PPM1A: variants seen among roughly 807,000 people sequenced by gnomAD.
The protein encoded by PPM1A is protein phosphatase 1A.
PPM1A carries 7 observed loss-of-function variants against 35.0 expected under a neutral mutation model. The observed-to-expected ratio is 0.20, with a 90% CI of 0.11 to 0.38. PPM1A has a LOEUF of 0.38. PPM1A is among the 10% of genes least tolerant of loss of function. PPM1A has a pLI of 1.00. For synonymous variants in PPM1A, 153 were observed against 167.3 expected, an observed-to-expected ratio of 0.91 and a Z score of 0.66; for missense variants, 239 against 467.8, an observed-to-expected ratio of 0.51 and a Z score of 4.51.
At chr14:60,274,836 C>G (rs1200919663) in intron 1 of PPM1A, among the ~76,000 whole-genome samples, 1 of 151,048 alleles carries the variant, frequency 6.6e-6, no homozygotes, top group African/African-American at 2.4e-5. Context: ...CATTCAATGT[C>G]ATTTCATATC....
chr14:60,260,437 C>G (rs1238422853), intron 1 of PPM1A, among the ~76,000 whole-genome samples: 1 of 152,018 alleles, frequency 6.6e-6, no homozygotes, highest in East Asian at 1.9e-4. Context: ...ATTTTTTATA[C>G]TGCTATGTAT....
At chr14:60,250,005 C>T (rs1001455737) in intron 1 of PPM1A, among the ~76,000 whole-genome samples, 11 of 151,422 alleles carry the variant, frequency 7.3e-5, no homozygotes, top group Non-Finnish European at 1.2e-4. Context: ...GCAGGCCGGC[C>T]TGGCCGGAGA....
chr14:60,287,855 C>G, intron 3 of PPM1A: 1 of 984,820 alleles, frequency 1.0e-6, no homozygotes, highest in Non-Finnish European at 1.2e-6. Context: ...ACTACCTTAG[C>G]TTTAAAGTTG....
chr14:60,292,729 A>T lies in PPM1A; in HGVS notation c.*247A>T. 1 of 373,660 alleles carries T rather than the reference A, an allele frequency of 2.7e-6. No individual in the cohort carries two copies. The highest frequency in any genetic ancestry group is 4.8e-6 in the Non-Finnish European group (1 of 209,102). 23.1% of individuals were successfully genotyped at this position (373,660 alleles called of 1,614,324 possible). A position where few individuals can be genotyped will look rare whatever the true frequency, so the allele number is the denominator to read the frequency against. ...TAATTCGTGTTGTAAATCAGACTCC[A>T]GCAATTTTTGTTGTATGATTTTGTT... On this transcript the variant is annotated 3_prime_UTR_variant, in exon 6 of 6. Transcript: ENST00000395076. The surrounding 1 kb of genome is among the most constrained non-coding windows in gnomAD (Gnocchi z 4.2).
intron 1 of PPM1A, among the ~76,000 whole-genome samples, chr14:60,272,221 T>A (rs969123763): frequency 7.2e-5 from 11 of 152,176 alleles, no homozygotes; most frequent in Non-Finnish European, 2.9e-5. Flanking sequence ...TTTTAAATCA[T>A]GTTATTAGAG....
At chr14:60,271,799 G>T in intron 1 of PPM1A, among the ~76,000 whole-genome samples, 1 of 151,362 alleles carries the variant, frequency 6.6e-6, no homozygotes, top group African/African-American at 2.4e-5. Flanking sequence ...TTTTTAATGG[G>T]AATTCCATCC....
intron 1 of PPM1A, among the ~76,000 whole-genome samples, chr14:60,266,220 T>C (rs1043855516): frequency 1.3e-5 from 2 of 152,206 alleles, no homozygotes; most frequent in African/African-American, 4.8e-5. Context: ...TGCCCATTTC[T>C]TTTCCTTTAA....
intron 1 of PPM1A, among the ~76,000 whole-genome samples, chr14:60,256,492 A>G (rs750488415): frequency 6.6e-6 from 1 of 152,156 alleles, no homozygotes; most frequent in Non-Finnish European, 1.5e-5. Context: ...TTAAATGGAT[A>G]ATTTCATATA....
intron 1 of PPM1A, among the ~76,000 whole-genome samples, chr14:60,254,443 CAGTA>C (rs1479259243): frequency 1.3e-5 from 2 of 152,002 alleles, no homozygotes; most frequent in Non-Finnish European, 2.9e-5. Flanking sequence ...AATGATCAGT[CAGTA>C]AGGAAGGACA....
chr14:60,279,055 T>C (rs1886084912), intron 1 of PPM1A, among the ~76,000 whole-genome samples: 1 of 152,196 alleles, frequency 6.6e-6, no homozygotes, highest in Non-Finnish European at 1.5e-5. Flanking sequence ...AATATACACT[T>C]GGGACAAAAA....
chr14:60,249,005 G>T (rs1417387976), upstream of PPM1A, among the ~76,000 whole-genome samples: 2 of 152,150 alleles, frequency 1.3e-5, no homozygotes, highest in Non-Finnish European at 2.9e-5. The surrounding 1 kb of genome is among the most constrained non-coding windows in gnomAD (Gnocchi z 4.5). Flanking sequence ...CAGCAGCAGC[G>T]GCAGAGAAAG....
At chr14:60,267,152 C>T (rs917106985) in intron 1 of PPM1A, 7 of 152,022 alleles carry the variant, frequency 4.6e-5, no homozygotes, top group Non-Finnish European at 8.8e-5. Context: ...TAATTTTATG[C>T]CTCTTTTTGT....
At chr14:60,263,254 G>C (rs753010388) in intron 1 of PPM1A, among the ~76,000 whole-genome samples, 1 of 152,074 alleles carries the variant, frequency 6.6e-6, no homozygotes, top group South Asian at 2.1e-4. Flanking sequence ...GCACTCTAAT[G>C]TGCACATCTT....
intron 1 of PPM1A, among the ~76,000 whole-genome samples, chr14:60,255,174 G>GT (rs1219454729): frequency 3.6e-5 from 2 of 55,206 alleles, no homozygotes; most frequent in African/African-American, 1.7e-4. Flanking sequence ...TTTTTTTTTT[G>GT]TTTTGTTTTG....
intron 3 of PPM1A, chr14:60,288,377 T>C: frequency 2.0e-6 from 2 of 982,588 alleles, no homozygotes; most frequent in Non-Finnish European, 2.4e-6. Context: ...TCCAAATAAT[T>C]GTATTGGCTT....
At position 60,296,429 on chromosome 14, in the gene PPM1A, A is replaced by G. The variant is rs1888068809; in HGVS notation, c.*3947A>G. 1 of 229,500 alleles carries G rather than the reference A, an allele frequency of 4.4e-6. No homozygotes were observed. The highest frequency in any genetic ancestry group is 8.3e-6 in the Non-Finnish European group (1 of 119,954). 14.2% of individuals were successfully genotyped at this position (229,500 alleles called of 1,614,324 possible). A position where few individuals can be genotyped will look rare whatever the true frequency, so the allele number is the denominator to read the frequency against. Reference sequence around the variant, plus strand: ...GGATTTGGTATTAGAAAAGATGTGTAAATATCTTAGTATATAATTGTTTCT... The same window carrying G: ...GGATTTGGTATTAGAAAAGATGTGTGAATATCTTAGTATATAATTGTTTCT... On this transcript the variant is annotated 3_prime_UTR_variant, in exon 6 of 6. Transcript: ENST00000395076. This position sits in a 1 kb window ranked among gnomAD's most constrained non-coding sequence, Gnocchi z 4.4.
rs1887990261 is a variant in PPM1A, at chr14:60,295,501, T to C, written c.*3019T>C. The stretch of plus-strand genomic sequence containing the variant: ...TAATCTCAACATTAAGAAATTTGGA[T>C]TAAGTAATAAATTAGTTATGTAATT... On this transcript the variant is annotated 3_prime_UTR_variant, in exon 6 of 6. Transcript: ENST00000395076. 6.6e-6 allele frequency: 1 copy of C among 151,742 alleles called. No homozygotes were observed. Among genetic ancestry groups the C allele is most frequent in the Non-Finnish European group, 1.5e-5 (1 of 67,732 alleles). 9.4% of individuals were successfully genotyped at this position (151,742 alleles called of 1,614,324 possible). A position where few individuals can be genotyped will look rare whatever the true frequency, so the allele number is the denominator to read the frequency against.
chr14:60,292,464 A>C lies in PPM1A; in HGVS notation c.1131A>C (p.Ser377=). The change falls in exon 6 of 6, where the codon TCA becomes TCC. Residue 377 remains serine (S), a synonymous_variant. Transcript: ENST00000395076. The surrounding 1 kb of genome is among the most constrained non-coding windows in gnomAD (Gnocchi z 4.2). ...PYKNDDTDST[S]TDDMW ...TTCCTTTTACAAAGGACTCTACATC[A>C]ACAGATGATATGTGGTAAAACTGCT... 1 of 1,602,928 alleles carries C rather than the reference A, an allele frequency of 6.2e-7. No homozygotes were observed. The highest frequency in any genetic ancestry group is 8.5e-7 in the Non-Finnish European group (1 of 1,170,906).
Position 60,268,237 on chromosome 14 carries a change from G to A in PPM1A, c.-20-14447G>A, listed in dbSNP as rs143085476. The A allele has an allele frequency of 2.0e-5, 19 of 939,772 alleles. No homozygotes were observed. In the East Asian group the frequency reaches 2.1e-3, roughly 104 times the overall value. 58.2% of individuals were successfully genotyped at this position (939,772 alleles called of 1,614,324 possible). ...AGTCTTTTTGCATTTTGTTTTTCAT[G>A]AGCTCTGAAGTTTTTTGAGGGATAG... On this transcript the variant is annotated intron_variant, in intron 1 of 5. Coordinates refer to ENST00000395076, the MANE Select transcript of PPM1A (RefSeq NM_021003.5).
Sources: allele counts gnomAD v4.1 joint callset (sites outside exome capture counted in the v4.1 genomes callset), GRCh38; gene constraint gnomAD v4.1.1; non-coding constraint Gnocchi (gnomAD v3.1); transcripts MANE v1.5; gene names NCBI Gene and HGNC (gene_info 2026-07-23, HGNC 2026-07-21).